ULK4: variants seen among roughly 807,000 people sequenced by gnomAD.
ULK4 encodes the protein inactive serine/threonine-protein kinase ULK4.
ULK4 carries 133 observed loss-of-function variants against 160.6 expected under a neutral mutation model. The ratio of observed to expected loss-of-function variants is 0.83; its 90% confidence interval spans 0.72 to 0.96. The LOEUF (loss-of-function observed/expected upper bound fraction) is 0.96. Ranked by LOEUF, ULK4 falls within the 40% of genes least tolerant of loss-of-function variation. ULK4 has a pLI of 0.00. For missense variants in ULK4, 1,580 were observed against 1,499.5 expected (o/e 1.05, Z -0.89); for synonymous variants, 534 against 539.8 (o/e 0.99, Z 0.15).
At chr3:41,429,512 G>A (rs2082854418) in intron 34 of ULK4, among the ~76,000 whole-genome samples, 1 of 152,174 alleles carries the variant, frequency 6.6e-6, no homozygotes, top group South Asian at 2.1e-4. Context: ...ATGCCCATCA[G>A]TGAGACTGGA....
intron 32 of ULK4, among the ~76,000 whole-genome samples, chr3:41,499,507 G>A (rs7650140): frequency 0.039 from 5,903 of 152,134 alleles, 370 homozygotes; most frequent in African/African-American, 0.13. Context: ...TTTATTGATC[G>A]GCACAAAATA....
At chr3:41,553,044 A>G (rs2087135264) in intron 32 of ULK4, among the ~76,000 whole-genome samples, 1 of 152,132 alleles carries the variant, frequency 6.6e-6, no homozygotes, top group South Asian at 2.1e-4. Context: ...AAAATTGGAT[A>G]GTTATATGCA....
Position 41,456,637 on chromosome 3 carries a change from A to C in ULK4, c.3394-1042T>G, listed in dbSNP as rs76926107. ...GAGATTTCTATCATAGAGATGAATA[A>C]TTTTATATTAAAAAATGGTATGGAT... On this transcript the variant is annotated intron_variant, in intron 33 of 36. Coordinates refer to ENST00000301831, the MANE Select transcript of ULK4 (RefSeq NM_017886.4). Among the ~76,000 whole-genome samples, 716 of 152,306 alleles carry C rather than the reference A, an allele frequency of 4.7e-3. 1 individual carries two copies. Among genetic ancestry groups the C allele is most frequent in the East Asian group, 0.015 (76 of 5,178 alleles).
intron 34 of ULK4, among the ~76,000 whole-genome samples, chr3:41,434,712 C>A (rs1348183645): frequency 1.3e-5 from 2 of 152,106 alleles, no homozygotes; most frequent in South Asian, 2.1e-4. Context: ...ATCAGGATGA[C>A]CAATTCATTT....
chr3:41,654,523 A>G (rs1331703067), intron 30 of ULK4, among the ~76,000 whole-genome samples: 1 of 152,210 alleles, frequency 6.6e-6, no homozygotes, highest in Non-Finnish European at 1.5e-5. Flanking sequence ...TCCTTAAGTA[A>G]TTTTTAAACA....
chr3:41,291,700 G>A (rs1005566133), intron 35 of ULK4, among the ~76,000 whole-genome samples: 1 of 152,176 alleles, frequency 6.6e-6, no homozygotes, highest in Non-Finnish European at 1.5e-5. Flanking sequence ...ACATTGTTAA[G>A]TCTCAAAAAT....
At chr3:41,385,151 G>C (rs908902463) in intron 35 of ULK4, among the ~76,000 whole-genome samples, 1 of 152,170 alleles carries the variant, frequency 6.6e-6, no homozygotes, top group African/African-American at 2.4e-5. Context: ...CAAGTGTCAT[G>C]ATGTCTTCAC....
chr3:41,882,704 C>T (rs1282488373), intron 17 of ULK4, among the ~76,000 whole-genome samples: 1 of 152,166 alleles, frequency 6.6e-6, no homozygotes, highest in Non-Finnish European at 1.5e-5. Context: ...CCTGAGCAAC[C>T]AATGCCTGCT....
At chr3:41,617,926 T>C (rs914716652) in intron 30 of ULK4, among the ~76,000 whole-genome samples, 2 of 152,026 alleles carry the variant, frequency 1.3e-5, no homozygotes, top group African/African-American at 4.8e-5. Flanking sequence ...CAGAGAAACA[T>C]AAATGACCTG....
At chr3:41,346,929 G>A (rs1405214133) in intron 35 of ULK4, among the ~76,000 whole-genome samples, 2 of 152,178 alleles carry the variant, frequency 1.3e-5, no homozygotes, top group Non-Finnish European at 2.9e-5. Flanking sequence ...TGCTTTTGCT[G>A]ATGAGCTTCA....
chr3:41,322,915 T>C (rs1220869553), intron 35 of ULK4, among the ~76,000 whole-genome samples: 4 of 152,096 alleles, frequency 2.6e-5, no homozygotes, highest in East Asian at 3.9e-4. Flanking sequence ...TCCACAAGTA[T>C]ATATAATAGC....
At chr3:41,809,870 T>C (rs1162096505) in intron 19 of ULK4, among the ~76,000 whole-genome samples, 1 of 152,170 alleles carries the variant, frequency 6.6e-6, no homozygotes, top group African/African-American at 2.4e-5. Flanking sequence ...TGAGAGTACA[T>C]CTATAAATGT....
intron 21 of ULK4, among the ~76,000 whole-genome samples, chr3:41,786,617 A>C (rs1281785711): frequency 6.6e-6 from 1 of 150,696 alleles, no homozygotes; most frequent in Non-Finnish European, 1.5e-5. Flanking sequence ...AAAAAAAAAA[A>C]GCAAATGTTC....
chr3:41,294,012 G>A (rs1163028397), intron 35 of ULK4, among the ~76,000 whole-genome samples: 1 of 152,206 alleles, frequency 6.6e-6, no homozygotes, highest in East Asian at 1.9e-4. Context: ...AGCCCGGAGG[G>A]TTGATGTCAC....
At chr3:41,490,883 T>C (rs2084731407) in intron 32 of ULK4, among the ~76,000 whole-genome samples, 1 of 152,066 alleles carries the variant, frequency 6.6e-6, no homozygotes, top group African/African-American at 2.4e-5. Flanking sequence ...ACAGAAACGC[T>C]CTCAGTAGCT....
At chr3:41,302,363 T>G (rs7637185) in intron 35 of ULK4, among the ~76,000 whole-genome samples, 84,454 of 152,060 alleles carry the variant, frequency 0.56, 25,282 homozygotes, top group African/African-American at 0.8. Flanking sequence ...AATGGTTTAA[T>G]CAAGTTAGCA....
intron 33 of ULK4, among the ~76,000 whole-genome samples, chr3:41,457,909 C>G (rs1190490560): frequency 6.6e-6 from 1 of 152,126 alleles, no homozygotes; most frequent in Non-Finnish European, 1.5e-5. Context: ...CTAGCCTGGG[C>G]TAGGGTGATA....
At chr3:41,536,092 A>G (rs1024854573) in intron 32 of ULK4, among the ~76,000 whole-genome samples, 2 of 152,180 alleles carry the variant, frequency 1.3e-5, no homozygotes, top group African/African-American at 2.4e-5. Flanking sequence ...CAGCTCCTGA[A>G]GAACCCTTCT....
chr3:41,477,006 T>C (rs554911642), intron 32 of ULK4, among the ~76,000 whole-genome samples: 8 of 152,294 alleles, frequency 5.3e-5, no homozygotes, highest in East Asian at 3.9e-4. Flanking sequence ...AGAGATGCTG[T>C]TGGGATGCAT....
Sources: gnomAD v4.1 joint callset for allele counts (sites outside exome capture counted in the v4.1 genomes callset) on GRCh38, gnomAD v4.1.1 for gene constraint, MANE v1.5 for transcripts, NCBI Gene and HGNC (gene_info 2026-07-23, HGNC 2026-07-21) for gene names.